Variants in DOCK8 observed in about 807,000 individuals in gnomAD.
DOCK8 encodes the protein dedicator of cytokinesis 8, also known as dedicator of cytokinesis protein 8.
A neutral mutation model predicts 245.6 loss-of-function variants in DOCK8; 141 were observed. The observed-to-expected ratio is 0.57, with a 90% CI of 0.50 to 0.66. DOCK8 has a LOEUF of 0.66. Among genes scored for constraint, DOCK8 ranks in the 30% least tolerant of loss-of-function variants. The pLI, the probability that DOCK8 is intolerant of heterozygous loss-of-function variation, is 0.00. For missense variants in DOCK8, 2,965 were observed against 2,603.4 expected, an observed-to-expected ratio of 1.14 and a Z score of -3.02; for synonymous variants, 1,168 against 970.2, an observed-to-expected ratio of 1.20 and a Z score of -3.79.
intron 6 of DOCK8, among the ~76,000 whole-genome samples, chr9:315,996 A>T (rs56002971): frequency 0.042 from 6,420 of 151,412 alleles, 217 homozygotes; most frequent in African/African-American, 0.079. Context: ...AAACTCAGCC[A>T]TTCCACCCAG....
intron 1 of DOCK8, among the ~76,000 whole-genome samples, chr9:255,623 G>A (rs1005131828): frequency 2.1e-5 from 3 of 140,384 alleles, no homozygotes; most frequent in Non-Finnish European, 4.5e-5. Flanking sequence ...AGCCGAGATC[G>A]CGCCACTGCA....
At chr9:262,557 A>G (rs140432823) in intron 1 of DOCK8, among the ~76,000 whole-genome samples, 2 of 151,224 alleles carry the variant, frequency 1.3e-5, no homozygotes, top group East Asian at 3.9e-4. Context: ...ATTCTGTTGA[A>G]TGGAAGAAGC....
chr9:219,217 C>T (rs1029199478), intron 1 of DOCK8, among the ~76,000 whole-genome samples: 1 of 152,194 alleles, frequency 6.6e-6, no homozygotes, highest in Non-Finnish European at 1.5e-5. Context: ...CGCCTGTAAT[C>T]TCAGCATTTT....
At chr9:460,667 A>G (rs1447027342) in intron 46 of DOCK8, among the ~76,000 whole-genome samples, 2 of 152,244 alleles carry the variant, frequency 1.3e-5, no homozygotes, top group East Asian at 1.9e-4. Context: ...GAGTTCTTTC[A>G]GATTCTGTGT....
In DOCK8 at chr9:239,395, G is replaced by C. The variant is rs117993524; in HGVS notation, c.53+24366G>C. Among the ~76,000 whole-genome samples the C allele has an allele frequency of 4.1e-4, 63 of 152,286 alleles. 1 individual carries two copies. The East Asian group carries it at 0.011, about 27-fold the overall frequency. ...AAATAACTTCTATGGAAAATCCTGA[G>C]AGTTATAAGAGACTACAAAGGTGAT... On this transcript the variant is annotated intron_variant, in intron 1 of 47. Transcript: ENST00000432829.
At chr9:422,765 A>T (rs1258567318) in intron 33 of DOCK8, among the ~76,000 whole-genome samples, 2 of 152,142 alleles carry the variant, frequency 1.3e-5, no homozygotes, top group African/African-American at 4.8e-5. Context: ...CCGGTGGAAC[A>T]CCTGAGGTCA....
chr9:215,261 A>G (rs1422132933), intron 1 of DOCK8: 7 of 1,602,434 alleles, frequency 4.4e-6, no homozygotes, highest in Non-Finnish European at 6.0e-6. Context: ...GTGCTCCTGG[A>G]TGTCCTCAGC....
At chr9:419,309 A>G (rs1446100911) in intron 30 of DOCK8, among the ~76,000 whole-genome samples, 1 of 152,226 alleles carries the variant, frequency 6.6e-6, no homozygotes, top group Non-Finnish European at 1.5e-5. Context: ...AGGCAGGAAG[A>G]TGAGACAGAG....
intron 4 of DOCK8, among the ~76,000 whole-genome samples, chr9:302,702 T>A (rs1231003336): frequency 6.6e-6 from 1 of 152,202 alleles, no homozygotes; most frequent in East Asian, 1.9e-4. Flanking sequence ...GAACAGATAC[T>A]TCTCAAAAGA....
At chr9:244,629 A>G (rs1387435370) in intron 1 of DOCK8, among the ~76,000 whole-genome samples, 2 of 152,220 alleles carry the variant, frequency 1.3e-5, no homozygotes, top group East Asian at 3.8e-4. Context: ...CACCTATCAT[A>G]TCATAAATGT....
rs571622851 is a variant in DOCK8 at position 240,192 on chromosome 9, A to G, written c.53+25163A>G. Among the ~76,000 whole-genome samples, 16 of 152,274 alleles carry G rather than the reference A, an allele frequency of 1.1e-4. No homozygotes were observed. In the South Asian group the frequency reaches 2.7e-3, roughly 26 times the overall value. On this transcript the variant is annotated intron_variant, in intron 1 of 47. Coordinates refer to ENST00000432829, the MANE Select transcript of DOCK8 (RefSeq NM_203447.4). ...GAACTTTACCTCAAGTCTTGGGGAAAGTTATTGAAAAGTAGTTTGTATTCA... is the reference window on the plus strand; with the variant it reads ...GAACTTTACCTCAAGTCTTGGGGAAGGTTATTGAAAAGTAGTTTGTATTCA...
chr9:260,503 G>T (rs572461093), intron 1 of DOCK8, among the ~76,000 whole-genome samples: 63 of 152,272 alleles, frequency 4.1e-4, no homozygotes, highest in African/African-American at 1.4e-3. Flanking sequence ...TTATATCGCT[G>T]CTTAGAGTGT....
intron 1 of DOCK8, chr9:215,355 G>C: frequency 6.3e-7 from 1 of 1,599,748 alleles, no homozygotes; most frequent in East Asian, 2.3e-5. Context: ...AGGGTGATAG[G>C]CGCCTGGGTA....
At chr9:420,282 C>A in intron 30 of DOCK8, 119 bp from the exon 31 acceptor site, 1 of 1,076,522 alleles carries the variant, frequency 9.3e-7, no homozygotes, top group Non-Finnish European at 1.4e-6. Flanking sequence ...CAGTGATGTA[C>A]AGTCATGGTA....
chr9:462,273 T>C (rs181631122), intron 46 of DOCK8, among the ~76,000 whole-genome samples: 113 of 152,358 alleles, frequency 7.4e-4, no homozygotes, highest in Admixed American at 1.4e-3. Flanking sequence ...GACTGGCTTT[T>C]AAGTTATTTT....
chr9:352,013 G>T (rs1041570994), intron 14 of DOCK8, among the ~76,000 whole-genome samples: 1 of 152,214 alleles, frequency 6.6e-6, no homozygotes, highest in African/African-American at 2.4e-5. Context: ...TTTGGTGGGC[G>T]TCGAGCATGT....
intron 2 of DOCK8, among the ~76,000 whole-genome samples, chr9:273,295 G>A (rs1483677486): frequency 6.6e-6 from 1 of 151,980 alleles, no homozygotes; most frequent in Non-Finnish European, 1.5e-5. Context: ...CTTTTCCTGT[G>A]TTTCAGAATT....
intron 18 of DOCK8, among the ~76,000 whole-genome samples, chr9:374,249 C>T (rs1481849276): frequency 6.6e-6 from 1 of 152,128 alleles, no homozygotes; most frequent in Admixed American, 6.6e-5. Context: ...AAGATAGCCA[C>T]TAGCTGTATG....
chr9:385,557 T>C (rs12337246), intron 22 of DOCK8, among the ~76,000 whole-genome samples: 7,479 of 152,314 alleles, frequency 0.049, 442 homozygotes, highest in African/African-American at 0.15. Flanking sequence ...GGAAATATTA[T>C]ATAATGGTTT....
Sources: gnomAD v4.1 joint callset for allele counts (sites outside exome capture counted in the v4.1 genomes callset) on GRCh38, gnomAD v4.1.1 for gene constraint, MANE v1.5 for transcripts, NCBI Gene and HGNC (gene_info 2026-07-23, HGNC 2026-07-21) for gene names.